AKT3: variants seen among roughly 807,000 people sequenced by gnomAD.
AKT3 encodes AKT serine/threonine kinase 3.
AKT3 carries 15 observed loss-of-function variants against 65.3 expected under a neutral mutation model. The observed-to-expected ratio is 0.23, with a 90% CI of 0.15 to 0.35. The LOEUF (loss-of-function observed/expected upper bound fraction) is 0.35. Ranked by LOEUF, AKT3 falls within the 10% of genes least tolerant of loss-of-function variation. The pLI is 1.00. For missense variants in AKT3, 243 were observed against 576.5 expected (o/e 0.42, Z 5.92); for synonymous variants, 206 against 183.8 (o/e 1.12, Z -0.98).
At chr1:243,556,676 A>G (rs888894352) in intron 10 of AKT3, among the ~76,000 whole-genome samples, 1 of 152,146 alleles carries the variant, frequency 6.6e-6, no homozygotes, top group African/African-American at 2.4e-5. Flanking sequence ...ATTCAAAAAA[A>G]AAGTTTTTTC....
intron 2 of AKT3, among the ~76,000 whole-genome samples, chr1:243,813,684 G>T (rs1213151156): frequency 6.6e-6 from 1 of 152,116 alleles, no homozygotes; most frequent in Non-Finnish European, 1.5e-5. Flanking sequence ...TATGAAATAT[G>T]ATTTTTCTTA....
At chr1:243,498,854 G>C (rs977408255), downstream of AKT3, among the ~76,000 whole-genome samples, 1 of 152,232 alleles carries the variant, frequency 6.6e-6, no homozygotes, top group Non-Finnish European at 1.5e-5. Flanking sequence ...AGAGGGACCA[G>C]ATTGGGCCCC....
At chr1:243,796,755 C>G (rs185405964) in intron 2 of AKT3, among the ~76,000 whole-genome samples, 1 of 152,170 alleles carries the variant, frequency 6.6e-6, no homozygotes, top group East Asian at 1.9e-4. Flanking sequence ...CAAAGGTGGA[C>G]AGACAAAATG....
At chr1:243,767,845 C>T (rs2148266511) in intron 2 of AKT3, among the ~76,000 whole-genome samples, 1 of 152,066 alleles carries the variant, frequency 6.6e-6, no homozygotes, top group African/African-American at 2.4e-5. Flanking sequence ...TTATTGCCTA[C>T]CAGGAAACAG....
intron 4 of AKT3, among the ~76,000 whole-genome samples, chr1:243,664,341 C>T (rs1437487207): frequency 2.0e-5 from 3 of 151,158 alleles, no homozygotes; most frequent in East Asian, 2.0e-4. Flanking sequence ...GGACTACAGG[C>T]GCCCGCCACC....
intron 8 of AKT3, among the ~76,000 whole-genome samples, chr1:243,575,094 G>C (rs767364208): frequency 5.9e-5 from 9 of 152,114 alleles, no homozygotes; most frequent in Non-Finnish European, 1.2e-4. Context: ...AACTTGTTAA[G>C]ATAACCAACA....
chr1:243,685,069 T>C (rs1490462402), intron 3 of AKT3, among the ~76,000 whole-genome samples: 4 of 152,202 alleles, frequency 2.6e-5, no homozygotes, highest in Non-Finnish European at 4.4e-5. Context: ...GACAGGTGGA[T>C]AGATTGCGAA....
intron 2 of AKT3, among the ~76,000 whole-genome samples, chr1:243,794,939 T>C (rs1340496655): frequency 3.3e-5 from 5 of 152,238 alleles, no homozygotes; most frequent in Non-Finnish European, 4.4e-5. Flanking sequence ...GTTGTTTGCC[T>C]GCTGTCATCT....
chr1:243,756,358 AGGGATATCACAAGCGGAGCT>A (rs1009598337), intron 2 of AKT3, among the ~76,000 whole-genome samples: 4 of 152,322 alleles, frequency 2.6e-5, no homozygotes, highest in African/African-American at 9.6e-5. Context: ...GGGCTGAAGC[AGGGATATCACAAGCGGAGCT>A]GGGACCATCT....
intron 6 of AKT3, among the ~76,000 whole-genome samples, chr1:243,635,051 A>G (rs1048769789): frequency 2.0e-5 from 3 of 152,180 alleles, no homozygotes; most frequent in Middle Eastern, 3.4e-3. Flanking sequence ...GACGTTCTCC[A>G]GGATAGATCA....
intron 13 of AKT3, among the ~76,000 whole-genome samples, chr1:243,511,783 A>C (rs1670030141): frequency 1.3e-5 from 2 of 152,264 alleles, no homozygotes; most frequent in African/African-American, 4.8e-5. Context: ...GAAGTGGTAC[A>C]TGAACACACA....
At chr1:243,617,832 G>C (rs1388482044) in intron 6 of AKT3, among the ~76,000 whole-genome samples, 1 of 152,106 alleles carries the variant, frequency 6.6e-6, no homozygotes, top group East Asian at 1.9e-4. Flanking sequence ...AAAAGAAAAA[G>C]GGGATAGTTC....
chr1:243,625,230 C>T (rs2148629879), intron 6 of AKT3, among the ~76,000 whole-genome samples: 1 of 144,836 alleles, frequency 6.9e-6, no homozygotes, highest in East Asian at 2.1e-4. Flanking sequence ...CTCCTGGGTT[C>T]CAGTGATTCT....
chr1:243,602,645 A>T (rs1677100201), intron 8 of AKT3, among the ~76,000 whole-genome samples: 1 of 152,208 alleles, frequency 6.6e-6, no homozygotes, highest in Admixed American at 6.5e-5. Context: ...CTGAATAAGC[A>T]TGAGAATCTC....
At chr1:243,496,217 ACTT>A (rs1299786981), downstream of AKT3, among the ~76,000 whole-genome samples, 2 of 152,240 alleles carry the variant, frequency 1.3e-5, no homozygotes, top group East Asian at 1.9e-4. Flanking sequence ...AGGGAAATGA[ACTT>A]CTTCTCAGGC....
intron 8 of AKT3, among the ~76,000 whole-genome samples, chr1:243,602,299 TCTTGA>T (rs1677070548): frequency 6.6e-6 from 1 of 152,162 alleles, no homozygotes; most frequent in African/African-American, 2.4e-5. Flanking sequence ...AATGCATCCT[TCTTGA>T]CTTGGGAATT....
In AKT3 at chr1:243,583,166, G is replaced by GTA. The variant is rs1479928964; in HGVS notation, c.697-10119_697-10118insTA. ...ATATCTCTCTCTTCCATGTATATGT[G>GTA]TGTGTATATATATATATATATATAT... On this transcript the variant is annotated intron_variant, in intron 8 of 13. Coordinates refer to ENST00000673466, the MANE Select transcript of AKT3 (RefSeq NM_005465.7). 5.6e-3 allele frequency among the ~76,000 whole-genome samples: 477 copies of GTA among 85,686 alleles called. 2 individuals carry two copies. Among genetic ancestry groups the GTA allele is most frequent in the East Asian group, 0.014 (36 of 2,546 alleles). The allele number at this position is 85,686 out of a possible 152,430, so 56.2% of individuals were successfully genotyped here.
intron 2 of AKT3, among the ~76,000 whole-genome samples, chr1:243,703,461 G>A (rs549801246): frequency 1.3e-5 from 2 of 152,100 alleles, no homozygotes; most frequent in African/African-American, 4.8e-5. Context: ...TTTTATTGAT[G>A]TCTTAAAAAT....
chr1:243,850,258 G>A (rs1367915079), upstream of AKT3: 6 of 155,292 alleles, frequency 3.9e-5, no homozygotes, highest in Non-Finnish European at 1.4e-5. Context: ...GAGGGAGGGA[G>A]GGAGCCGGCC....
Sources: gnomAD v4.1 joint callset for allele counts (sites outside exome capture counted in the v4.1 genomes callset) on GRCh38, gnomAD v4.1.1 for gene constraint, MANE v1.5 for transcripts, NCBI Gene and HGNC (gene_info 2026-07-23, HGNC 2026-07-21) for gene names.